LRRC4: variants seen among roughly 807,000 people sequenced by gnomAD.
The protein encoded by LRRC4 is leucine-rich repeat-containing protein 4.
A neutral mutation model predicts 37.9 loss-of-function variants in LRRC4; 11 were observed. The ratio of observed to expected loss-of-function variants is 0.29; its 90% CI spans 0.18 to 0.48. The LOEUF is 0.48. LRRC4 is among the 20% of genes least tolerant of loss of function. The probability of loss-of-function intolerance (pLI) is 0.99; values close to 1 mark genes in which losing one functional copy is unlikely to be tolerated. For synonymous variants in LRRC4, 404 were observed against 346.7 expected, an observed-to-expected ratio of 1.17 and a Z score of -1.84; for missense variants, 717 against 842.1, an observed-to-expected ratio of 0.85 and a Z score of 1.84.
chr7:128,029,564 A>G lies in LRRC4; in HGVS notation c.1077T>C (p.Pro359=). 1.9e-6 allele frequency: 3 copies of G among 1,614,020 alleles called. No individual in the cohort carries two copies. The East Asian group carries it at 6.7e-5, about 36-fold the overall frequency. Residue 359 remains proline, a synonymous_variant, in exon 2 of 2, where the codon CCT becomes CCC. Coordinates refer to ENST00000249363, the MANE Select transcript of LRRC4 (RefSeq NM_022143.5). The surrounding 1 kb of genome is among the most constrained non-coding windows in gnomAD (Gnocchi z 4.2). ...GACCCTCAGAAATGTTGAGGTCTCG[A>G]GGTGCGTCCATGATGAAGGGGGCAG... ...QCSAPFIMDA[P]RDLNISEGRM...
chr7:128,030,730 C>T lies in LRRC4; in HGVS notation c.-90G>A. 1.7e-5 allele frequency: 24 copies of T among 1,450,838 alleles called. No individual in the cohort carries two copies. The highest frequency in any genetic ancestry group is 2.1e-5 in the Non-Finnish European group (23 of 1,081,502). The allele number at this position is 1,450,838 out of a possible 1,614,324, so 89.9% of individuals were successfully genotyped here. A position where few individuals can be genotyped will look rare whatever the true frequency, so the allele number is the denominator to read the frequency against. On this transcript the variant is annotated 5_prime_UTR_variant, in exon 2 of 2. Transcript: ENST00000249363. ...CCCCGGCTTAAGTGAGCTAGGAGCT[C>T]CTCTTTCCATCTGGAGAAGGAGGTG... is the stretch of plus-strand genomic sequence containing the variant.
chr7:128,030,285 A>T lies in LRRC4; in HGVS notation c.356T>A (p.Phe119Tyr). The change falls in exon 2 of 2, where the codon TTC becomes TAC. Residue 119 changes from phenylalanine to tyrosine, a missense_variant. Coordinates refer to ENST00000249363, the MANE Select transcript of LRRC4 (RefSeq NM_022143.5). Reference protein sequence around the residue: ...NSIRQIEVGAFNGLASLNTLE... With the variant: ...NSIRQIEVGAYNGLASLNTLE... ...GGTGTTGAGGCTGGCCAGGCCGTTG[A>T]AGGCCCCCACCTCAATCTGCCGGAT... 1 of 1,614,090 alleles carries T rather than the reference A, an allele frequency of 6.2e-7. No homozygotes were observed. The highest frequency in any genetic ancestry group is 8.5e-7 in the Non-Finnish European group (1 of 1,180,020).
In LRRC4 at chr7:128,029,694, C is replaced by T; in HGVS notation, c.947G>A (p.Arg316Gln). The T allele has an allele frequency of 6.2e-7, 1 of 1,613,876 alleles. No homozygotes were observed. The highest frequency in any genetic ancestry group is 1.6e-4 in the Middle Eastern group (1 of 6,062). ...GGTGGAATTGGTGGGTATATACTCT[C>T]GAAGCCACCAGGCTAGCCACAGAAT... ...CDILWLAWWLREYIPTNSTCC... is the reference protein window; with the variant it reads ...CDILWLAWWLQEYIPTNSTCC... The change falls in exon 2 of 2, where the codon CGA becomes CAA. Residue 316 changes from arginine to glutamine, a missense_variant. Coordinates refer to ENST00000249363, the MANE Select transcript of LRRC4 (RefSeq NM_022143.5). The surrounding 1 kb of genome is among the most constrained non-coding windows in gnomAD (Gnocchi z 4.2).
rs369764530 is a variant in LRRC4 at position 128,029,225 on chromosome 7, C to T, written c.1416G>A (p.Lys472=). The stretch of plus-strand genomic sequence containing the variant: ...TGGACGTGGTAGGAACAGGCTTGTA[C>T]TTTCGCGTTGTGTCCTCAGGCGAGA... ...TEISPEDTTR[K]YKPVPTTSTG... The change falls in exon 2 of 2, where the codon AAG becomes AAA. Residue 472 remains lysine, a synonymous_variant. Coordinates refer to ENST00000249363, the MANE Select transcript of LRRC4 (RefSeq NM_022143.5). The surrounding 1 kb of genome is among the most constrained non-coding windows in gnomAD (Gnocchi z 4.2). 60 of 1,614,098 alleles carry T rather than the reference C, an allele frequency of 3.7e-5. No homozygotes were observed. The highest frequency in any genetic ancestry group is 4.9e-5 in the Non-Finnish European group (58 of 1,180,036).
In LRRC4 at chr7:128,029,852, G is replaced by A. The variant is rs376635935; in HGVS notation, c.789C>T (p.Asp263=). The change falls in exon 2 of 2, where the codon GAC becomes GAT. Residue 263 remains aspartate, a synonymous_variant. Coordinates refer to ENST00000249363, the MANE Select transcript of LRRC4 (RefSeq NM_022143.5). The surrounding 1 kb of genome is among the most constrained non-coding windows in gnomAD (Gnocchi z 4.2). ...QVSLIERNAF[D]GLASLVELNL... ...TGAGTTCCACAAGTGAAGCCAGCCC[G>A]TCAAAAGCATTCCGCTCAATCAGGC... 8.1e-6 allele frequency: 13 copies of A among 1,613,366 alleles called. No homozygotes were observed. The highest frequency in any genetic ancestry group is 2.2e-5 in the South Asian group (2 of 91,092).
At position 128,027,666 on chromosome 7, in the gene LRRC4, A is replaced by C. The variant is rs1266615859; in HGVS notation, c.*1013T>G. On this transcript the variant is annotated 3_prime_UTR_variant, in exon 2 of 2. Coordinates refer to ENST00000249363, the MANE Select transcript of LRRC4 (RefSeq NM_022143.5). ...CTCCTCCCTCTCCACCTTAAAACAA[A>C]CAAAATCTTTTTTAAAAATCATAAA... 6.6e-6 allele frequency: 1 copy of C among 152,190 alleles called. No individual in the cohort carries two copies. Among genetic ancestry groups the C allele is most frequent in the Non-Finnish European group, 1.5e-5 (1 of 68,034 alleles). 9.4% of individuals were successfully genotyped at this position (152,190 alleles called of 1,614,324 possible). A position where few individuals can be genotyped will look rare whatever the true frequency, so the allele number is the denominator to read the frequency against.
rs894144753 is a variant in LRRC4 at position 128,028,904 on chromosome 7, T to C, written c.1737A>G (p.Thr579=). ...ACGGAGCTGCTGTTGCTGCTGCGGA[T>C]GTTGCTGCTGGGATGTCTTCGTCCA... ...IQVDEDIPAA[T]SAAATAAPSG... is the part of the protein sequence containing the mutation. The change falls in exon 2 of 2, where the codon ACA becomes ACG. Residue 579 remains threonine, a synonymous_variant. Transcript: ENST00000249363. The C allele has an allele frequency of 1.2e-6, 2 of 1,613,392 alleles. No homozygotes were observed. Among genetic ancestry groups the C allele is most frequent in the African/African-American group, 2.7e-5 (2 of 74,932 alleles).
Position 128,028,888 on chromosome 7 carries a change from C to T in LRRC4, c.1753G>A (p.Ala585Thr), listed in dbSNP as rs1792485810. 1 of 1,614,038 alleles carries T rather than the reference C, an allele frequency of 6.2e-7. No homozygotes were observed. Among genetic ancestry groups the T allele is most frequent in the Non-Finnish European group, 8.5e-7 (1 of 1,179,936 alleles). The part of the protein sequence containing the change: ...IPAATSAAAT[A>T]APSGVSGEGA... ...TCACCTGATACACCGGACGGAGCTG[C>T]TGTTGCTGCTGCGGATGTTGCTGCT... The change falls in exon 2 of 2, where the codon GCA (alanine) becomes ACA (threonine). Residue 585 changes from alanine to threonine, a missense_variant. Coordinates refer to ENST00000249363, the MANE Select transcript of LRRC4 (RefSeq NM_022143.5).
Position 128,029,990 on chromosome 7 carries a change from C to T in LRRC4, c.651G>A (p.Leu217=), listed in dbSNP as rs779078017. Reference sequence around the variant, plus strand: ...ACATCTCCAGCTCCTCCAGCCCCACCAGGGGGGTGAGATTGGGCATGTCTT... The same window carrying T: ...ACATCTCCAGCTCCTCCAGCCCCACTAGGGGGGTGAGATTGGGCATGTCTT... The part of the protein sequence containing the change: ...NIKDMPNLTP[L]VGLEELEMSG... The change falls in exon 2 of 2, where the codon CTG becomes CTA. Residue 217 remains leucine, a synonymous_variant. Coordinates refer to ENST00000249363, the MANE Select transcript of LRRC4 (RefSeq NM_022143.5). The surrounding 1 kb of genome is among the most constrained non-coding windows in gnomAD (Gnocchi z 4.2). 1.9e-6 allele frequency: 3 copies of T among 1,613,180 alleles called. No individual in the cohort carries two copies. The highest frequency in any genetic ancestry group is 2.5e-6 in the Non-Finnish European group (3 of 1,180,034).
upstream of LRRC4, chr7:128,031,508 C>T (rs2116989284): frequency 6.6e-6 from 1 of 151,678 alleles, no homozygotes; most frequent in East Asian, 1.9e-4. Context: ...GACACACACC[C>T]CCTTTCTCCT....
At position 128,030,488 on chromosome 7, in the gene LRRC4, C is replaced by G. The variant is rs762943168; in HGVS notation, c.153G>C (p.Ser51=). 1 of 1,613,448 alleles carries G rather than the reference C, an allele frequency of 6.2e-7. No individual in the cohort carries two copies. Residue 51 remains serine, a synonymous_variant, in exon 2 of 2, where the codon TCG becomes TCC. Transcript: ENST00000249363. ...CCACCTTGCTGAACTGGTTACTGCA[C>G]GAGCAGACGGAGGGGCAGTTCTGGG... ...AGPQNCPSVC[S]CSNQFSKVVC...
Position 128,027,270 on chromosome 7 carries a change from T to C in LRRC4, c.*1409A>G, listed in dbSNP as rs1014796138. The stretch of plus-strand genomic sequence containing the variant: ...GACCAGAATAACAGAGATCTCTGCC[T>C]TCCCCACCCACGCCCACCCTTTCTC... On this transcript the variant is annotated 3_prime_UTR_variant, in exon 2 of 2. Coordinates refer to ENST00000249363, the MANE Select transcript of LRRC4 (RefSeq NM_022143.5). 6.6e-6 allele frequency: 1 copy of C among 151,808 alleles called. No homozygotes were observed. Among genetic ancestry groups the C allele is most frequent in the African/African-American group, 2.4e-5 (1 of 41,168 alleles). The allele number at this position is 151,808 out of a possible 1,614,324, so 9.4% of individuals were successfully genotyped here.
chr7:128,030,775 G>A, intron 1 of LRRC4, 35 bp from the exon 2 acceptor site: 1 of 1,169,596 alleles, frequency 8.5e-7, no homozygotes, highest in Non-Finnish European at 1.2e-6. Context: ...CGATTAGAGA[G>A]ACGGAGCGGA....
rs150309965 is a variant in LRRC4, at chr7:128,028,964, T to C, written c.1677A>G (p.Thr559=). Residue 559 remains threonine, a synonymous_variant, in exon 2 of 2, where the codon ACA becomes ACG. Transcript: ENST00000249363. Reference sequence around the variant, plus strand: ...TCTCAACAGTCCGGGCGGCTGTGACTGTACTCCGCTGCTGGTGCCGCTTAC... The same window carrying C: ...TCTCAACAGTCCGGGCGGCTGTGACCGTACTCCGCTGCTGGTGCCGCTTAC... ...KLRKRHQQRS[T]VTAARTVEII... is the part of the protein sequence containing the mutation. 1.7e-5 allele frequency: 27 copies of C among 1,608,652 alleles called. No individual in the cohort carries two copies. The African/African-American group carries it at 3.3e-4, about 20-fold the overall frequency.
chr7:128,030,006 G>A lies in LRRC4; in HGVS notation c.635C>T (p.Pro212Leu). 6.2e-7 allele frequency: 1 copy of A among 1,613,126 alleles called. No homozygotes were observed. Among genetic ancestry groups the A allele is most frequent in the Non-Finnish European group, 8.5e-7 (1 of 1,180,016 alleles). Residue 212 changes from proline (P) to leucine (L), a missense_variant, in exon 2 of 2, where the codon CCC becomes CTC. This residue lies in a region of LRRC4 where 138 missense variants were observed against 261.0 expected (regional missense o/e 0.53). Coordinates refer to ENST00000249363, the MANE Select transcript of LRRC4 (RefSeq NM_022143.5). ...NLGMCNIKDM[P>L]NLTPLVGLEE... ...CAGCCCCACCAGGGGGGTGAGATTG[G>A]GCATGTCTTTAATGTTGCACATGCC... is the stretch of plus-strand genomic sequence containing the variant.
rs1194861028 is a variant in LRRC4, at chr7:128,031,043, C to CAGAGGGGAGG, written c.-241_-232dup. ...GGGGAAGTGGTGGGGGCGGGGAGGG[C>CAGAGGGGAGG]AGAGGGGAGGGGAGGGGAGGGGAGG... On this transcript the variant is annotated 5_prime_UTR_variant, in exon 1 of 2. Coordinates refer to ENST00000249363, the MANE Select transcript of LRRC4 (RefSeq NM_022143.5). 6.4e-5 allele frequency: 4 copies of CAGAGGGGAGG among 62,234 alleles called. No individual in the cohort carries two copies. Among genetic ancestry groups the CAGAGGGGAGG allele is most frequent in the Non-Finnish European group, 1.3e-4 (4 of 31,052 alleles). 3.9% of individuals were successfully genotyped at this position (62,234 alleles called of 1,614,324 possible).
Position 128,029,915 on chromosome 7 carries a change from G to C in LRRC4, c.726C>G (p.Ser242Arg), listed in dbSNP as rs763838629. The change falls in exon 2 of 2, where the codon AGC becomes AGG. Residue 242 changes from serine to arginine, a missense_variant. Around this residue, in one of 5 missense-constraint regions of LRRC4, gnomAD observed 138 missense variants for 261.0 expected, o/e 0.53. Transcript: ENST00000249363. This position sits in a 1 kb window ranked among gnomAD's most constrained non-coding sequence, Gnocchi z 4.2. ...EIRPGSFHGL[S>R]SLKKLWVMNS... ...TCATGACCCAGAGCTTCTTGAGGGA[G>C]CTCAGGCCATGGAAGGAGCCAGGCC... The C allele has an allele frequency of 2.5e-6, 4 of 1,613,256 alleles. No homozygotes were observed. In the South Asian group the frequency reaches 3.3e-5, roughly 13 times the overall value.
rs762943168 is a variant in LRRC4, at chr7:128,030,488, C to T, written c.153G>A (p.Ser51=). 1.9e-6 allele frequency: 3 copies of T among 1,613,330 alleles called. No individual in the cohort carries two copies. The highest frequency in any genetic ancestry group is 2.7e-5 in the African/African-American group (2 of 74,916). ...AGPQNCPSVC[S]CSNQFSKVVC... is the part of the protein sequence containing the mutation. ...CCACCTTGCTGAACTGGTTACTGCACGAGCAGACGGAGGGGCAGTTCTGGG... is the reference window on the plus strand; with the variant it reads ...CCACCTTGCTGAACTGGTTACTGCATGAGCAGACGGAGGGGCAGTTCTGGG... The change falls in exon 2 of 2, where the codon TCG becomes TCA. Residue 51 remains serine (S), a synonymous_variant. Transcript: ENST00000249363.
rs1267437671 is a variant in LRRC4 at position 128,031,229 on chromosome 7, T to C, written c.-417A>G. Among the ~76,000 whole-genome samples, 1 of 151,966 alleles carries C rather than the reference T, an allele frequency of 6.6e-6. No individual in the cohort carries two copies. The highest frequency in any genetic ancestry group is 2.4e-5 in the African/African-American group (1 of 41,408). ...GCGGCGCCACCAGCGCTTCCCGGCT[T>C]TGTCCTTGGACCCTGGCACCGGCTC... On this transcript the variant is annotated 5_prime_UTR_variant, in exon 1 of 2. Coordinates refer to ENST00000249363, the MANE Select transcript of LRRC4 (RefSeq NM_022143.5).
Sources: allele counts gnomAD v4.1 joint callset (sites outside exome capture counted in the v4.1 genomes callset), GRCh38; gene constraint gnomAD v4.1.1; regional missense constraint gnomAD v4.1.1; non-coding constraint Gnocchi (gnomAD v3.1); transcripts MANE v1.5; gene names NCBI Gene and HGNC (gene_info 2026-07-23, HGNC 2026-07-21).